NEDD4L: variants seen among roughly 807,000 people sequenced by gnomAD.
NEDD4L encodes the protein E3 ubiquitin-protein ligase NEDD4-like.
NEDD4L carries 54 observed loss-of-function variants against 148.9 expected under a neutral mutation model. The observed-to-expected ratio is 0.36, with a 90% confidence interval of 0.29 to 0.45. The LOEUF (loss-of-function observed/expected upper bound fraction) is 0.45. Ranked by LOEUF, NEDD4L falls within the 20% of genes least tolerant of loss-of-function variation. NEDD4L has a pLI of 1.00. For synonymous variants in NEDD4L, 433 were observed against 440.7 expected, an observed-to-expected ratio of 0.98 and a Z score of 0.22; for missense variants, 856 against 1,233.8, an observed-to-expected ratio of 0.69 and a Z score of 4.59.
intron 1 of NEDD4L, among the ~76,000 whole-genome samples, chr18:58,147,639 T>C (rs1018238337): frequency 1.3e-5 from 2 of 152,222 alleles, no homozygotes; most frequent in South Asian, 2.1e-4. Context: ...TCTCTGCTAA[T>C]ATAAGAGGCA....
At chr18:58,275,033 T>G (rs182617760) in intron 5 of NEDD4L, among the ~76,000 whole-genome samples, 1 of 152,214 alleles carries the variant, frequency 6.6e-6, no homozygotes, top group African/African-American at 2.4e-5. Flanking sequence ...AAGTGGAGGT[T>G]GGGGTGTCAG....
At chr18:58,174,171 C>T (rs1260729368) in intron 2 of NEDD4L, among the ~76,000 whole-genome samples, 3 of 152,030 alleles carry the variant, frequency 2.0e-5, no homozygotes, top group Admixed American at 1.3e-4. Context: ...GAATAGCTCT[C>T]GGTGGAGAGG....
In NEDD4L at chr18:58,154,107, T is replaced by C. The variant is rs80325021; in HGVS notation, c.49-11681T>C. Among the ~76,000 whole-genome samples, 1,354 of 152,242 alleles carry C rather than the reference T, an allele frequency of 8.9e-3. 15 individuals are homozygous for C. Among genetic ancestry groups the C allele is most frequent in the African/African-American group, 0.031 (1,284 of 41,542 alleles). On this transcript the variant is annotated intron_variant, in intron 1 of 30. Transcript: ENST00000400345. ...AATGAATAAAATATTCAACAGAAAC[T>C]CCTTAAAAATAATGTGAGAAATGGA...
At chr18:58,059,704 G>A (rs191035370) in intron 1 of NEDD4L, among the ~76,000 whole-genome samples, 2 of 152,132 alleles carry the variant, frequency 1.3e-5, no homozygotes, top group African/African-American at 4.8e-5. Flanking sequence ...CACCTCTTGT[G>A]GGACATGGTG....
At chr18:58,065,041 G>C (rs1305566204) in intron 1 of NEDD4L, among the ~76,000 whole-genome samples, 1 of 152,120 alleles carries the variant, frequency 6.6e-6, no homozygotes, top group Non-Finnish European at 1.5e-5. Context: ...ATATAGCTCT[G>C]GTTCTTCAGA....
chr18:58,311,639 G>T (rs538439181), intron 5 of NEDD4L, among the ~76,000 whole-genome samples: 1 of 152,362 alleles, frequency 6.6e-6, no homozygotes, highest in Non-Finnish European at 1.5e-5. Context: ...GGTCATTGGT[G>T]TATAGTAAGA....
chr18:58,219,402 T>G (rs1345387740), intron 2 of NEDD4L, among the ~76,000 whole-genome samples: 1 of 152,224 alleles, frequency 6.6e-6, no homozygotes, highest in African/African-American at 2.4e-5. Flanking sequence ...TGTCTCAATT[T>G]TTTAGTATTA....
intron 1 of NEDD4L, among the ~76,000 whole-genome samples, chr18:58,107,636 T>G (rs1008670014): frequency 1.3e-5 from 2 of 151,650 alleles, no homozygotes; most frequent in Admixed American, 6.6e-5. Context: ...GGAGGATCAC[T>G]GGAGCCTGGG....
At chr18:58,151,660 G>T (rs947508814) in intron 1 of NEDD4L, among the ~76,000 whole-genome samples, 1 of 53,494 alleles carries the variant, frequency 1.9e-5, no homozygotes, top group Middle Eastern at 9.1e-3. Context: ...TGTGTGTGTT[G>T]GCTGGAGAAG....
chr18:58,061,528 CAGGA>C (rs2082334783), intron 1 of NEDD4L, among the ~76,000 whole-genome samples: 1 of 150,648 alleles, frequency 6.6e-6, no homozygotes, highest in Admixed American at 6.6e-5. Context: ...CTAGAGGAGG[CAGGA>C]AGGAAGGTGG....
chr18:58,375,981 G>C (rs2047514790), intron 24 of NEDD4L, among the ~76,000 whole-genome samples: 1 of 152,180 alleles, frequency 6.6e-6, no homozygotes, highest in South Asian at 2.1e-4. Flanking sequence ...ACATATGAAG[G>C]AAGGAGTGGA....
chr18:58,229,674 G>C (rs143186349), intron 2 of NEDD4L, among the ~76,000 whole-genome samples: 2 of 152,262 alleles, frequency 1.3e-5, no homozygotes, highest in African/African-American at 4.8e-5. Context: ...TATCTAGATT[G>C]AGGCTTATAC....
intron 1 of NEDD4L, among the ~76,000 whole-genome samples, chr18:58,149,127 C>G (rs1268094712): frequency 6.6e-6 from 1 of 152,194 alleles, no homozygotes; most frequent in Non-Finnish European, 1.5e-5. Flanking sequence ...ACAAGGGTTC[C>G]TTTAAAACAG....
chr18:58,375,071 C>G (rs2047385524), intron 24 of NEDD4L, among the ~76,000 whole-genome samples: 2 of 152,144 alleles, frequency 1.3e-5, no homozygotes, highest in Non-Finnish European at 2.9e-5. Flanking sequence ...AGTGCCACCA[C>G]TGTCCCCTCC....
chr18:58,362,601 C>T (rs1197468037), intron 19 of NEDD4L, among the ~76,000 whole-genome samples: 1 of 152,160 alleles, frequency 6.6e-6, no homozygotes, highest in Non-Finnish European at 1.5e-5. Flanking sequence ...ACGGTTTATT[C>T]ATTGATTTCC....
At chr18:58,060,153 G>A (rs1191271280) in intron 1 of NEDD4L, among the ~76,000 whole-genome samples, 2 of 149,946 alleles carry the variant, frequency 1.3e-5, no homozygotes, top group Non-Finnish European at 3.0e-5. Flanking sequence ...GGGTTGGGGT[G>A]GGGAAGGCAC....
intron 1 of NEDD4L, among the ~76,000 whole-genome samples, chr18:58,112,631 G>A (rs896217183): frequency 2.6e-5 from 4 of 152,038 alleles, no homozygotes; most frequent in African/African-American, 9.7e-5. Context: ...TGGGATTACA[G>A]GCATGTGCCA....
At chr18:58,097,531 A>G (rs992258701) in intron 1 of NEDD4L, among the ~76,000 whole-genome samples, 1 of 152,250 alleles carries the variant, frequency 6.6e-6, no homozygotes, top group African/African-American at 2.4e-5. Context: ...CTAAGGCAGG[A>G]ATCCTTGGCC....
chr18:58,229,683 A>G (rs2044837086), intron 2 of NEDD4L, among the ~76,000 whole-genome samples: 1 of 152,208 alleles, frequency 6.6e-6, no homozygotes, highest in Non-Finnish European at 1.5e-5. Context: ...TGAGGCTTAT[A>G]CAACTTCATT....
Sources: allele counts gnomAD v4.1 joint callset (sites outside exome capture counted in the v4.1 genomes callset), GRCh38; gene constraint gnomAD v4.1.1; transcripts MANE v1.5; gene names NCBI Gene and HGNC (gene_info 2026-07-23, HGNC 2026-07-21).